The following CCDC170 variants were observed in gnomAD, a reference collection of about 807,000 sequenced individuals.
CCDC170 encodes the protein coiled-coil domain-containing protein 170.
A neutral mutation model predicts 72.6 loss-of-function variants in CCDC170; 69 were observed. The ratio of observed to expected loss-of-function variants is 0.95; its 90% CI spans 0.78 to 1.16. The LOEUF (loss-of-function observed/expected upper bound fraction) is 1.16. CCDC170 is among the 50% of genes most tolerant of loss of function. The pLI, the probability that CCDC170 is intolerant of heterozygous loss-of-function variation, is 0.00. For synonymous variants in CCDC170, 300 were observed against 303.9 expected, an observed-to-expected ratio of 0.99 and a Z score of 0.13; for missense variants, 852 against 832.5, an observed-to-expected ratio of 1.02 and a Z score of -0.29.
At chr6:151,529,901 C>T (rs1460706421) in intron 1 of CCDC170, among the ~76,000 whole-genome samples, 1 of 151,856 alleles carries the variant, frequency 6.6e-6, no homozygotes. Context: ...TGAGGGTCAT[C>T]CCACGGTGGA....
chr6:151,539,704 A>G (rs1782651982), intron 3 of CCDC170, among the ~76,000 whole-genome samples: 1 of 152,190 alleles, frequency 6.6e-6, no homozygotes, highest in Admixed American at 6.5e-5. Flanking sequence ...ATCTCTTCCC[A>G]GAGCTCAAGA....
At chr6:151,606,811 A>G (rs1035750000) in intron 9 of CCDC170, among the ~76,000 whole-genome samples, 3 of 152,166 alleles carry the variant, frequency 2.0e-5, no homozygotes, top group African/African-American at 7.2e-5. Context: ...TTGGATACAT[A>G]TATATTTACA....
chr6:151,588,349 C>CA (rs1776485846), intron 7 of CCDC170, among the ~76,000 whole-genome samples: 2 of 151,952 alleles, frequency 1.3e-5, no homozygotes, highest in South Asian at 4.2e-4. Context: ...ACAAAACAAA[C>CA]AAAAAACAAC....
intron 1 of CCDC170, among the ~76,000 whole-genome samples, chr6:151,517,563 G>A (rs760222133): frequency 4.0e-5 from 6 of 151,590 alleles, no homozygotes; most frequent in African/African-American, 9.7e-5. Context: ...CTCCTGAGTA[G>A]CTGAGATTAC....
At chr6:151,562,493 T>C (rs1776055879) in intron 5 of CCDC170, among the ~76,000 whole-genome samples, 1 of 152,230 alleles carries the variant, frequency 6.6e-6, no homozygotes, top group African/African-American at 2.4e-5. Flanking sequence ...TATATGTTCC[T>C]TGGTTGTGGA....
Position 151,561,534 on chromosome 6 carries a change from G to A in CCDC170, c.775-11640G>A, listed in dbSNP as rs145270364. ...TTTTCTTTTTAGGAGGCTAAAAATAGGACCTCAATCTCTTCTGGCTTGTAA... is the reference window on the plus strand; with the variant it reads ...TTTTCTTTTTAGGAGGCTAAAAATAAGACCTCAATCTCTTCTGGCTTGTAA... On this transcript the variant is annotated intron_variant, in intron 5 of 10. Coordinates refer to ENST00000239374, the MANE Select transcript of CCDC170 (RefSeq NM_025059.4). Among the ~76,000 whole-genome samples the A allele has an allele frequency of 7.2e-3, 1,090 of 152,116 alleles. 10 individuals are homozygous for A. Among genetic ancestry groups the A allele is most frequent in the African/African-American group, 0.025 (1,024 of 41,508 alleles).
In CCDC170 at chr6:151,555,749, T is replaced by G. The variant is rs142564093; in HGVS notation, c.774+7260T>G. The stretch of plus-strand genomic sequence containing the variant: ...TTCACTGAATAAATGAAAATCCGTT[T>G]TCTTATGGCCACCCTTCAAATGGTT... On this transcript the variant is annotated intron_variant, in intron 5 of 10. Coordinates refer to ENST00000239374, the MANE Select transcript of CCDC170 (RefSeq NM_025059.4). Among the ~76,000 whole-genome samples, 66 of 152,340 alleles carry G rather than the reference T, an allele frequency of 4.3e-4. 1 individual carries two copies. Among genetic ancestry groups the G allele is most frequent in the African/African-American group, 1.4e-3 (59 of 41,584 alleles).
intron 4 of CCDC170, among the ~76,000 whole-genome samples, chr6:151,545,163 T>A (rs1782752333): frequency 6.6e-6 from 1 of 152,214 alleles, no homozygotes; most frequent in South Asian, 2.1e-4. Context: ...CTCACGCCTG[T>A]AATCCCAGCA....
intron 6 of CCDC170, among the ~76,000 whole-genome samples, chr6:151,577,639 C>T (rs933274092): frequency 2.1e-4 from 32 of 149,268 alleles, no homozygotes; most frequent in South Asian, 4.3e-4. Context: ...GGACCCCCCC[C>T]GATGCTATAA....
intron 6 of CCDC170, among the ~76,000 whole-genome samples, chr6:151,583,767 C>A (rs376649808): frequency 5.9e-5 from 9 of 152,184 alleles, no homozygotes; most frequent in South Asian, 2.1e-4. Context: ...CTGACTCTTC[C>A]TTTCATTTGA....
intron 9 of CCDC170, among the ~76,000 whole-genome samples, chr6:151,597,794 C>G (rs1776647649): frequency 6.6e-6 from 1 of 152,184 alleles, no homozygotes; most frequent in Admixed American, 6.5e-5. Flanking sequence ...TTAATATGCA[C>G]ACATCATCCT....
intron 5 of CCDC170, among the ~76,000 whole-genome samples, chr6:151,571,032 T>A (rs1562285632): frequency 6.6e-6 from 1 of 152,236 alleles, no homozygotes; most frequent in African/African-American, 2.4e-5. Context: ...TTCTTTCAAA[T>A]TGATGCCTGA....
rs1776952781 is a variant in CCDC170, at chr6:151,615,597, C to A, written c.1865C>A (p.Ala622Asp). The change falls in exon 10 of 11, where the codon GCC becomes GAC. Residue 622 changes from alanine (A) to aspartate (D), a missense_variant. Coordinates refer to ENST00000239374, the MANE Select transcript of CCDC170 (RefSeq NM_025059.4). Reference sequence around the variant, plus strand: ...GAGGCTAAGGAGAATAAAGAAAGGGCCAGAAACATGATAGAAGTGGTAACC... The same window carrying A: ...GAGGCTAAGGAGAATAAAGAAAGGGACAGAAACATGATAGAAGTGGTAACC... ...EHEAKENKER[A>D]RNMIEVVTSE... The A allele has an allele frequency of 4.3e-6, 7 of 1,613,844 alleles. No individual in the cohort carries two copies. The highest frequency in any genetic ancestry group is 1.3e-5 in the African/African-American group (1 of 74,950).
At chr6:151,551,201 GTTTA>G (rs796976868) in intron 5 of CCDC170, among the ~76,000 whole-genome samples, 89 of 152,160 alleles carry the variant, frequency 5.8e-4, no homozygotes, top group African/African-American at 1.9e-3. Flanking sequence ...ATTTGTTATT[GTTTA>G]TTTATTGTTA....
intron 5 of CCDC170, among the ~76,000 whole-genome samples, chr6:151,558,232 G>GTTTTTTTTTTTTTTTTTTTT (rs55648936): frequency 1.4e-5 from 1 of 70,880 alleles, no homozygotes; most frequent in African/African-American, 5.8e-5. Flanking sequence ...TGAGATTAGT[G>GTTTTTTTTTTTTTTTTTTTT]TTTTTTTTTT....
chr6:151,592,541 C>CA (rs1025836520), intron 7 of CCDC170, among the ~76,000 whole-genome samples: 42 of 152,168 alleles, frequency 2.8e-4, no homozygotes, highest in African/African-American at 8.9e-4. Context: ...GAGAGCCAAG[C>CA]AAAAGGGGTT....
At chr6:151,517,440 T>C (rs1782252221) in intron 1 of CCDC170, among the ~76,000 whole-genome samples, 2 of 151,014 alleles carry the variant, frequency 1.3e-5, no homozygotes, top group African/African-American at 2.4e-5. Context: ...TCTTCTTTTT[T>C]TTTTTTTTTT....
At chr6:151,498,327 A>T (rs1427243485) in intron 1 of CCDC170, among the ~76,000 whole-genome samples, 3 of 152,248 alleles carry the variant, frequency 2.0e-5, no homozygotes, top group African/African-American at 7.2e-5. Flanking sequence ...AGAGCTGGTC[A>T]TAGCTAACTA....
chr6:151,545,688 A>G (rs1280254034), intron 4 of CCDC170, among the ~76,000 whole-genome samples: 1 of 152,056 alleles, frequency 6.6e-6, no homozygotes, highest in Non-Finnish European at 1.5e-5. Flanking sequence ...AGGCTGGAGT[A>G]CAGTGATATG....
Sources: allele counts gnomAD v4.1 joint callset (sites outside exome capture counted in the v4.1 genomes callset), GRCh38; gene constraint gnomAD v4.1.1; transcripts MANE v1.5; gene names NCBI Gene and HGNC (gene_info 2026-07-23, HGNC 2026-07-21).